TCF7L1: variants seen among roughly 807,000 people sequenced by gnomAD.
TCF7L1 encodes transcription factor 7 like 1.
In TCF7L1, 18 loss-of-function variants were observed where a neutral mutation model predicts 63.7. That is an observed-to-expected ratio of 0.28 (90% CI 0.20 to 0.42). The LOEUF is 0.42. Among genes scored for constraint, TCF7L1 ranks in the 10% least tolerant of loss-of-function variants. The pLI is 1.00. For missense variants in TCF7L1, 654 were observed against 779.3 expected, an observed-to-expected ratio of 0.84 and a Z score of 1.91; for synonymous variants, 355 against 340.9, an observed-to-expected ratio of 1.04 and a Z score of -0.46.
At chr2:85,294,045 T>TTTTTTTTC (rs1553407868) in intron 4 of TCF7L1, among the ~76,000 whole-genome samples, 22,146 of 112,952 alleles carry the variant, frequency 0.2, 4,219 homozygotes, top group South Asian at 0.35. Context: ...TTTTTTTTTT[T>TTTTTTTTC]TTTTTTTTTG....
chr2:85,216,860 A>T (rs1174767493), intron 3 of TCF7L1, among the ~76,000 whole-genome samples: 1 of 152,230 alleles, frequency 6.6e-6, no homozygotes, highest in African/African-American at 2.4e-5. Flanking sequence ...GGGGCTTCTC[A>T]AGCTTGGAGA....
At chr2:85,275,579 A>C (rs776168973) in intron 3 of TCF7L1, among the ~76,000 whole-genome samples, 5 of 152,196 alleles carry the variant, frequency 3.3e-5, no homozygotes, top group Non-Finnish European at 7.3e-5. Flanking sequence ...TGTTGACTAA[A>C]TGCTGTGACA....
rs542996151 is a variant in TCF7L1 at position 85,153,181 on chromosome 2, G to A, written c.441+18731G>A. Among the ~76,000 whole-genome samples the A allele has an allele frequency of 6.6e-5, 10 of 152,176 alleles. No homozygotes were observed. In the South Asian group the frequency reaches 2.1e-3, roughly 32 times the overall value. On this transcript the variant is annotated intron_variant, in intron 3 of 11. Transcript: ENST00000282111. ...CTAGTATAGGCTGAAGCCATACTTTGATGTATTCCCAGGATCTACCTCATA... is the reference window on the plus strand; with the variant it reads ...CTAGTATAGGCTGAAGCCATACTTTAATGTATTCCCAGGATCTACCTCATA...
At chr2:85,202,588 G>A (rs548029386) in intron 3 of TCF7L1, among the ~76,000 whole-genome samples, 1 of 152,214 alleles carries the variant, frequency 6.6e-6, no homozygotes, top group East Asian at 1.9e-4. Flanking sequence ...GTTCTTAGAG[G>A]TCTTTGATCA....
intron 4 of TCF7L1, among the ~76,000 whole-genome samples, chr2:85,285,872 T>C (rs1408560220): frequency 6.6e-6 from 1 of 152,138 alleles, no homozygotes; most frequent in East Asian, 1.9e-4. Context: ...CCATCTACTT[T>C]TCAAGAATGT....
chr2:85,185,960 A>ATTTTTTTTT (rs67142055), intron 3 of TCF7L1, among the ~76,000 whole-genome samples: 2 of 94,642 alleles, frequency 2.1e-5, no homozygotes, highest in African/African-American at 4.5e-5. Flanking sequence ...AACACAGGGG[A>ATTTTTTTTT]TTTTTTTTTT....
chr2:85,260,407 CG>C (rs2104345517), intron 3 of TCF7L1, among the ~76,000 whole-genome samples: 1 of 151,794 alleles, frequency 6.6e-6, no homozygotes, highest in Admixed American at 6.6e-5. Flanking sequence ...GAGGTTGAGG[CG>C]GGCAGATTGC....
At chr2:85,278,441 C>T (rs946395558) in intron 3 of TCF7L1, among the ~76,000 whole-genome samples, 8 of 152,206 alleles carry the variant, frequency 5.3e-5, no homozygotes, top group African/African-American at 1.9e-4. Context: ...TTCCACAATA[C>T]AGCGTAAGAA....
Position 85,258,172 on chromosome 2 carries a change from C to T in TCF7L1, c.442-25323C>T, listed in dbSNP as rs183219391. On this transcript the variant is annotated intron_variant, in intron 3 of 11. Transcript: ENST00000282111. ...ATCAAAACCACACGACACAGTGTGCCTCACAGTCCAGTGAGCCAAATCCTT... is the reference window on the plus strand; with the variant it reads ...ATCAAAACCACACGACACAGTGTGCTTCACAGTCCAGTGAGCCAAATCCTT... Among the ~76,000 whole-genome samples, 13 of 152,272 alleles carry T rather than the reference C, an allele frequency of 8.5e-5. No individual in the cohort carries two copies. The East Asian group carries it at 1.5e-3, about 18-fold the overall frequency.
chr2:85,180,849 G>A (rs781075653), intron 3 of TCF7L1, among the ~76,000 whole-genome samples: 1 of 152,216 alleles, frequency 6.6e-6, no homozygotes, highest in Non-Finnish European at 1.5e-5. Context: ...GTTGCATGAT[G>A]TGCCGAGCAT....
chr2:85,273,356 C>A (rs149700272), intron 3 of TCF7L1, among the ~76,000 whole-genome samples: 1 of 152,184 alleles, frequency 6.6e-6, no homozygotes, highest in Non-Finnish European at 1.5e-5. Context: ...GATTATGTGC[C>A]CCACTTCCTC....
Position 85,134,442 on chromosome 2 carries a change from G to C in TCF7L1, c.433G>C (p.Ala145Pro). ...CAACGGACCCCTGTCTCCCGGAGGA[G>C]CGCGCACCGTGAGTGCCCGTCGGGC... is the stretch of plus-strand genomic sequence containing the variant. Reference protein sequence around the residue: ...LSNGPLSPGGARTYLQMKWPL... With the variant: ...LSNGPLSPGGPRTYLQMKWPL... The change falls in exon 3 of 12, where the codon GCG becomes CCG. Residue 145 changes from alanine to proline, a missense_variant. Transcript: ENST00000282111. This position sits in a 1 kb window ranked among gnomAD's most constrained non-coding sequence, Gnocchi z 5.0. The C allele has an allele frequency of 6.4e-7, 1 of 1,555,204 alleles. No individual in the cohort carries two copies. Among genetic ancestry groups the C allele is most frequent in the Non-Finnish European group, 8.7e-7 (1 of 1,149,342 alleles).
chr2:85,264,268 C>G (rs1341742310), intron 3 of TCF7L1, among the ~76,000 whole-genome samples: 2 of 152,152 alleles, frequency 1.3e-5, no homozygotes, highest in Admixed American at 1.3e-4. Context: ...CGTGAGTACT[C>G]CTGACCTCCA....
At chr2:85,204,055 T>C (rs1353377882) in intron 3 of TCF7L1, among the ~76,000 whole-genome samples, 3 of 152,172 alleles carry the variant, frequency 2.0e-5, no homozygotes, top group Non-Finnish European at 2.9e-5. Context: ...TTATTCTTTT[T>C]ATATTTAATA....
At chr2:85,262,989 T>A (rs11126989) in intron 3 of TCF7L1, among the ~76,000 whole-genome samples, 52,947 of 151,698 alleles carry the variant, frequency 0.35, 10,370 homozygotes, top group Non-Finnish European at 0.45. Flanking sequence ...AAGGAGAGAG[T>A]GTCATCTACA....
At chr2:85,159,064 G>A (rs1399861079) in intron 3 of TCF7L1, among the ~76,000 whole-genome samples, 2 of 152,228 alleles carry the variant, frequency 1.3e-5, no homozygotes, top group African/African-American at 4.8e-5. Context: ...GTAGAGGAGG[G>A]CTTTGTAGCA....
chr2:85,137,975 G>A (rs1180724490), intron 3 of TCF7L1, among the ~76,000 whole-genome samples: 1 of 151,582 alleles, frequency 6.6e-6, no homozygotes, highest in Non-Finnish European at 1.5e-5. Context: ...AGACAAAGAA[G>A]AGCCAAAAAG....
chr2:85,264,046 C>A (rs1386227950), intron 3 of TCF7L1, among the ~76,000 whole-genome samples: 1 of 152,142 alleles, frequency 6.6e-6, no homozygotes, highest in Non-Finnish European at 1.5e-5. Flanking sequence ...GAGGCATTGA[C>A]AGTGGGGGTT....
chr2:85,172,225 G>T (rs1031553316), intron 3 of TCF7L1, among the ~76,000 whole-genome samples: 1 of 152,130 alleles, frequency 6.6e-6, no homozygotes, highest in African/African-American at 2.4e-5. Flanking sequence ...GGGCCATGGG[G>T]TGCCATTGAG....
Sources: allele counts gnomAD v4.1 joint callset (sites outside exome capture counted in the v4.1 genomes callset), GRCh38; gene constraint gnomAD v4.1.1; non-coding constraint Gnocchi (gnomAD v3.1); transcripts MANE v1.5; gene names NCBI Gene and HGNC (gene_info 2026-07-23, HGNC 2026-07-21).